The following DCX variants were observed in gnomAD, a reference collection of about 807,000 sequenced individuals.
The protein encoded by DCX is neuronal migration protein doublecortin.
DCX carries 4 observed loss-of-function variants against 20.9 expected under a neutral mutation model. The ratio of observed to expected loss-of-function variants is 0.19; its 90% CI spans 0.09 to 0.44. DCX has a LOEUF of 0.44. Ranked by LOEUF, DCX falls within the 20% of genes least tolerant of loss-of-function variation. The pLI is 0.99. For synonymous variants in DCX, 103 were observed against 111.4 expected, an observed-to-expected ratio of 0.92 and a Z score of 0.47; for missense variants, 133 against 296.9, an observed-to-expected ratio of 0.45 and a Z score of 4.06.
At chrX:111,359,973 C>G (rs181177568) in intron 3 of DCX, among the ~76,000 whole-genome samples, 5 of 111,835 alleles carry the variant, frequency 4.5e-5, no homozygotes, top group Non-Finnish European at 9.4e-5. Context: ...ACCGTTTGAT[C>G]CAGTAATTCT....
chrX:111,346,843 TAAAAA>T (rs1411661926), intron 3 of DCX, among the ~76,000 whole-genome samples: 5 of 111,951 alleles, frequency 4.5e-5, no homozygotes, highest in Admixed American at 3.8e-4. Context: ...ATAAAACTGT[TAAAAA>T]AAGAAATGTA....
At chrX:111,405,861 C>A (rs2077245738) in intron 2 of DCX, among the ~76,000 whole-genome samples, 1 of 111,054 alleles carries the variant, frequency 9.0e-6, no homozygotes, top group African/African-American at 3.3e-5. Context: ...ACATCAATAA[C>A]CTTTGATCCA....
intron 3 of DCX, among the ~76,000 whole-genome samples, chrX:111,391,090 C>A (rs1256722668): frequency 9.0e-6 from 1 of 111,270 alleles, no homozygotes; most frequent in African/African-American, 3.3e-5. Context: ...TGTGCCCCCA[C>A]CCAAATTTCA....
rs749112256 is a variant in DCX at position 111,298,707 on chromosome X, C to T, written c.*2980G>A. On this transcript the variant is annotated 3_prime_UTR_variant, in exon 7 of 7. Coordinates refer to ENST00000636035, the MANE Select transcript of DCX (RefSeq NM_001195553.2). ...CTTAAGGTTCCTTCCAGCTAGAAAA[C>T]GCTATAATTCAATCTAGGCTAATAC... The T allele has an allele frequency of 9.8e-5, 11 of 111,689 alleles. No individual in the cohort carries two copies. The highest frequency in any genetic ancestry group is 8.6e-4 in the East Asian group (3 of 3,508). The allele number at this position is 111,689 out of a possible 1,213,427, so 9.2% of individuals were successfully genotyped here. A position where few individuals can be genotyped will look rare whatever the true frequency, so the allele number is the denominator to read the frequency against.
chrX:111,370,725 T>TC (rs1364322822), intron 3 of DCX, among the ~76,000 whole-genome samples: 2 of 110,345 alleles, frequency 1.8e-5, no homozygotes, highest in African/African-American at 6.6e-5. Flanking sequence ...AAAATTGGGC[T>TC]TACCCTAGCA....
chrX:111,397,162 C>A (rs1668382269), intron 3 of DCX, among the ~76,000 whole-genome samples: 2 of 111,525 alleles, frequency 1.8e-5, no homozygotes, highest in Non-Finnish European at 3.8e-5. Flanking sequence ...TTTGCAATAA[C>A]CAACTGGGCT....
chrX:111,319,689 G>A (rs927999548), intron 5 of DCX, among the ~76,000 whole-genome samples: 6 of 112,209 alleles, frequency 5.3e-5, no homozygotes, highest in African/African-American at 1.9e-4. Context: ...CTGACCTGTC[G>A]CACTCAAGGT....
At chrX:111,337,980 A>G (rs1037379579) in intron 3 of DCX, among the ~76,000 whole-genome samples, 7 of 112,504 alleles carry the variant, frequency 6.2e-5, no homozygotes, top group African/African-American at 2.3e-4. Context: ...GAAGATAAAG[A>G]GAACAATTCT....
At chrX:111,378,930 G>A (rs1443624660) in intron 3 of DCX, among the ~76,000 whole-genome samples, 1 of 111,802 alleles carries the variant, frequency 8.9e-6, no homozygotes, top group Non-Finnish European at 1.9e-5. Flanking sequence ...AGGCTCTCTT[G>A]CCCTTCTGCC....
At chrX:111,386,479 G>A (rs1391345524) in intron 3 of DCX, among the ~76,000 whole-genome samples, 5 of 111,277 alleles carry the variant, frequency 4.5e-5, no homozygotes, top group Non-Finnish European at 1.9e-5. Context: ...ATTTACATCA[G>A]TTCGTGTCTA....
At chrX:111,325,572 A>G (rs1201531524) in intron 5 of DCX, among the ~76,000 whole-genome samples, 1 of 112,570 alleles carries the variant, frequency 8.9e-6, no homozygotes, top group Non-Finnish European at 1.9e-5. Flanking sequence ...TAATTCACGT[A>G]AAAAGATTGT....
At chrX:111,320,940 G>GT (rs909907541) in intron 5 of DCX, among the ~76,000 whole-genome samples, 24 of 109,789 alleles carry the variant, frequency 2.2e-4, no homozygotes, top group African/African-American at 7.0e-4. Context: ...AGCCTATATG[G>GT]TTTTTTTGTT....
chrX:111,410,084 G>A lies in DCX; in HGVS notation c.315C>T (p.Tyr105=). The A allele has an allele frequency of 8.3e-7, 1 of 1,211,780 alleles. No individual in the cohort carries two copies. The highest frequency in any genetic ancestry group is 1.1e-6 in the Non-Finnish European group (1 of 895,491). ...CGATCTTCCTGGATCCATCAATGGTGTAAATGTAACGCACTCCCTGAGGCA... is the reference window on the plus strand; with the variant it reads ...CGATCTTCCTGGATCCATCAATGGTATAAATGTAACGCACTCCCTGAGGCA... ...INLPQGVRYI[Y]TIDGSRKIGS... The change falls in exon 2 of 7, where the codon TAC becomes TAT. Residue 105 remains tyrosine (Y), a synonymous_variant. Transcript: ENST00000636035.
intron 3 of DCX, among the ~76,000 whole-genome samples, chrX:111,379,986 G>C (rs1426383037): frequency 1.8e-5 from 2 of 111,404 alleles, no homozygotes; most frequent in African/African-American, 3.3e-5. Context: ...GTGCTCCTTG[G>C]AGAAATATCT....
At chrX:111,357,769 G>A (rs1923855778) in intron 3 of DCX, among the ~76,000 whole-genome samples, 1 of 108,835 alleles carries the variant, frequency 9.2e-6, no homozygotes, top group African/African-American at 3.4e-5. Flanking sequence ...GCATCAGAGC[G>A]AGGCACGTCT....
At chrX:111,349,159 T>C (rs761902761) in intron 3 of DCX, among the ~76,000 whole-genome samples, 19 of 111,942 alleles carry the variant, frequency 1.7e-4, no homozygotes, top group African/African-American at 6.2e-4. Context: ...AGCTTGTCTA[T>C]AGATCCCAAA....
chrX:111,394,702 T>C (rs1406673579), intron 3 of DCX, among the ~76,000 whole-genome samples: 3 of 111,837 alleles, frequency 2.7e-5, no homozygotes, highest in Non-Finnish European at 3.8e-5. Flanking sequence ...ACTCAAGAAA[T>C]AGCAAGGCAT....
chrX:111,325,357 T>G (rs1169222273), intron 5 of DCX, among the ~76,000 whole-genome samples: 1 of 111,504 alleles, frequency 9.0e-6, no homozygotes, highest in Non-Finnish European at 1.9e-5. Context: ...CGAATAATGC[T>G]TGTTGGGAAG....
chrX:111,387,921 A>G lies in DCX; in HGVS notation c.705+13069T>C, dbSNP rs190828878. Reference sequence around the variant, plus strand: ...GAAGTATCGGCTTGGTGCAATAGAAAGTGTGCAGTCTATTTAAATGGTAAA... The same window carrying G: ...GAAGTATCGGCTTGGTGCAATAGAAGGTGTGCAGTCTATTTAAATGGTAAA... On this transcript the variant is annotated intron_variant, in intron 3 of 6. Transcript: ENST00000636035. 6.3e-5 allele frequency among the ~76,000 whole-genome samples: 7 copies of G among 111,784 alleles called. No individual in the cohort carries two copies. In the Admixed American group the frequency reaches 6.7e-4, roughly 11 times the overall value.
Sources: gnomAD v4.1 joint callset for allele counts (sites outside exome capture counted in the v4.1 genomes callset) on GRCh38, gnomAD v4.1.1 for gene constraint, MANE v1.5 for transcripts, NCBI Gene and HGNC (gene_info 2026-07-23, HGNC 2026-07-21) for gene names.